Variants in BMPR1A observed in about 807,000 individuals in gnomAD.
The protein encoded by BMPR1A is bone morphogenetic protein receptor type 1A, also known as bone morphogenetic protein receptor type-1A.
In BMPR1A, 7 loss-of-function variants were observed where a neutral mutation model predicts 66.0. The ratio of observed to expected loss-of-function variants is 0.11; its 90% CI spans 0.06 to 0.20. The LOEUF (loss-of-function observed/expected upper bound fraction) is 0.20. Among genes scored for constraint, BMPR1A ranks in the 10% least tolerant of loss-of-function variants. The pLI, the probability that BMPR1A is intolerant of heterozygous loss-of-function variation, is 1.00. For missense variants in BMPR1A, 408 were observed against 669.1 expected, an observed-to-expected ratio of 0.61 and a Z score of 4.31; for synonymous variants, 200 against 229.7, an observed-to-expected ratio of 0.87 and a Z score of 1.17.
intron 1 of BMPR1A, among the ~76,000 whole-genome samples, chr10:86,825,640 C>G (rs780851895): frequency 2.6e-5 from 4 of 152,002 alleles, no homozygotes; most frequent in Non-Finnish European, 4.4e-5. Context: ...CCATACTTGG[C>G]TAAATTAACA....
intron 1 of BMPR1A, among the ~76,000 whole-genome samples, chr10:86,815,369 T>TC (rs1012779120): frequency 6.6e-6 from 1 of 152,196 alleles, no homozygotes; most frequent in Non-Finnish European, 1.5e-5. Context: ...CAGTTTTTTT[T>TC]CTGTGTGAGT....
intron 3 of BMPR1A, among the ~76,000 whole-genome samples, chr10:86,883,366 C>T (rs568555922): frequency 3.3e-5 from 5 of 151,514 alleles, no homozygotes; most frequent in East Asian, 3.9e-4. Context: ...CTGGCTAACA[C>T]GGTGAAACCC....
intron 2 of BMPR1A, among the ~76,000 whole-genome samples, chr10:86,872,073 A>G (rs539300280): frequency 3.9e-5 from 6 of 152,280 alleles, no homozygotes; most frequent in Non-Finnish European, 7.3e-5. Context: ...GACTGCATGC[A>G]TGTCTTAGGA....
chr10:86,843,671 A>G (rs1842451174), intron 2 of BMPR1A, among the ~76,000 whole-genome samples: 1 of 152,222 alleles, frequency 6.6e-6, no homozygotes, highest in Non-Finnish European at 1.5e-5. Context: ...GATGAGTAAA[A>G]TTTAGATGGG....
At chr10:86,853,261 G>T (rs1842596430) in intron 2 of BMPR1A, among the ~76,000 whole-genome samples, 1 of 151,424 alleles carries the variant, frequency 6.6e-6, no homozygotes, top group Non-Finnish European at 1.5e-5. Context: ...CATATATTCA[G>T]AGATAAGCCT....
At chr10:86,769,903 T>A (rs1474371624) in intron 1 of BMPR1A, among the ~76,000 whole-genome samples, 1 of 141,238 alleles carries the variant, frequency 7.1e-6, no homozygotes, top group Non-Finnish European at 1.6e-5. Flanking sequence ...GGCAGTGACC[T>A]TCTTTTAGTT....
At chr10:86,804,790 GTGTT>G (rs1295675559) in intron 1 of BMPR1A, among the ~76,000 whole-genome samples, 1 of 97,500 alleles carries the variant, frequency 1.0e-5, no homozygotes, top group Non-Finnish European at 2.1e-5. Context: ...ATGTTTGTAG[GTGTT>G]TTTTTTTTTT....
chr10:86,836,231 A>C (rs1842344614), intron 1 of BMPR1A, among the ~76,000 whole-genome samples: 1 of 152,206 alleles, frequency 6.6e-6, no homozygotes, highest in South Asian at 2.1e-4. Context: ...GCTCATGTAC[A>C]TCTTATTTTT....
rs146133997 is a variant in BMPR1A, at chr10:86,787,110, CAT to C, written c.-268+30192_-268+30193del. Among the ~76,000 whole-genome samples the C allele has an allele frequency of 4.8e-4, 73 of 152,226 alleles. No individual in the cohort carries two copies. The East Asian group carries it at 0.011, about 22-fold the overall frequency. On this transcript the variant is annotated intron_variant, in intron 1 of 12. Transcript: ENST00000372037. ...TTATAGATTTCATGCCCCTTTAAAA[CAT>C]GTGTTATATCAATTGAGAGCACACT...
At chr10:86,854,455 C>T (rs1027423733) in intron 2 of BMPR1A, among the ~76,000 whole-genome samples, 1 of 152,174 alleles carries the variant, frequency 6.6e-6, no homozygotes, top group Admixed American at 6.5e-5. Context: ...ATGAAATCTT[C>T]ACAATTTGTG....
intron 1 of BMPR1A, among the ~76,000 whole-genome samples, chr10:86,760,236 C>CTTTTTTTTTTTTTTTTTTTTTT (rs1841025275): frequency 5.0e-5 from 1 of 20,064 alleles, no homozygotes; most frequent in Non-Finnish European, 8.8e-5. Context: ...TTCTTTCTTT[C>CTTTTTTTTTTTTTTTTTTTTTT]TTTCTTTCTT....
In BMPR1A at chr10:86,925,889, G is replaced by A. The variant is rs942299121; in HGVS notation, c.*2170G>A. ...ACTACAGGCGCCCGCCACCGCGCCC[G>A]GCTAATTTTTTGTATTTTTAGTAGA... On this transcript the variant is annotated 3_prime_UTR_variant, in exon 13 of 13. Transcript: ENST00000372037. 8.9e-4 allele frequency: 144 copies of A among 162,292 alleles called. No homozygotes were observed. Among genetic ancestry groups the A allele is most frequent in the African/African-American group, 3.3e-3 (135 of 41,492 alleles). 10.1% of individuals were successfully genotyped at this position (162,292 alleles called of 1,614,324 possible). A position where few individuals can be genotyped will look rare whatever the true frequency, so the allele number is the denominator to read the frequency against.
At chr10:86,835,983 A>G (rs1467092877) in intron 1 of BMPR1A, among the ~76,000 whole-genome samples, 3 of 152,210 alleles carry the variant, frequency 2.0e-5, no homozygotes, top group African/African-American at 2.4e-5. Context: ...TCATTTTTCC[A>G]TGTCATTAAG....
Position 86,912,096 on chromosome 10 carries a change from A to G in BMPR1A, c.531-144A>G, listed in dbSNP as rs1843498318. The G allele has an allele frequency of 3.5e-6, 3 of 848,806 alleles. 1 individual carries two copies. In the South Asian group the frequency reaches 5.0e-5, roughly 14 times the overall value. The allele number at this position is 848,806 out of a possible 1,614,324, so 52.6% of individuals were successfully genotyped here. A position where few individuals can be genotyped will look rare whatever the true frequency, so the allele number is the denominator to read the frequency against. On this transcript the variant is annotated intron_variant, in intron 7 of 12. Coordinates refer to ENST00000372037, the MANE Select transcript of BMPR1A (RefSeq NM_004329.3). ...TGAACTCCATTTCTAGATGTATTTAACAGGATATATTATCCAATGATAAGA... is the reference window on the plus strand; with the variant it reads ...TGAACTCCATTTCTAGATGTATTTAGCAGGATATATTATCCAATGATAAGA...
intron 2 of BMPR1A, among the ~76,000 whole-genome samples, chr10:86,841,496 G>A (rs976267205): frequency 6.6e-6 from 1 of 152,176 alleles, no homozygotes; most frequent in Non-Finnish European, 1.5e-5. Context: ...TGTCAGGCAG[G>A]CTTCACAGAA....
chr10:86,770,058 G>C (rs1038680303), intron 1 of BMPR1A, among the ~76,000 whole-genome samples: 1 of 152,036 alleles, frequency 6.6e-6, no homozygotes, highest in Non-Finnish European at 1.5e-5. Flanking sequence ...TTGGGAGGCC[G>C]AGGTGGGAGG....
At chr10:86,910,193 C>A (rs1843457759) in intron 7 of BMPR1A, among the ~76,000 whole-genome samples, 1 of 151,832 alleles carries the variant, frequency 6.6e-6, no homozygotes, top group Admixed American at 6.6e-5. Context: ...AAAAATTAGC[C>A]AGGTGTGGTG....
intron 1 of BMPR1A, among the ~76,000 whole-genome samples, chr10:86,818,871 C>A (rs1362228758): frequency 6.6e-6 from 1 of 152,098 alleles, no homozygotes; most frequent in African/African-American, 2.4e-5. Context: ...ATACAGTTTC[C>A]AAGAAGGCAA....
At chr10:86,780,255 C>T (rs1404303878) in intron 1 of BMPR1A, among the ~76,000 whole-genome samples, 2 of 152,066 alleles carry the variant, frequency 1.3e-5, no homozygotes, top group Non-Finnish European at 2.9e-5. Context: ...TTCTGTAGCT[C>T]GTCTCTTCAT....
Sources: allele counts gnomAD v4.1 joint callset (sites outside exome capture counted in the v4.1 genomes callset), GRCh38; gene constraint gnomAD v4.1.1; transcripts MANE v1.5; gene names NCBI Gene and HGNC (gene_info 2026-07-23, HGNC 2026-07-21).